Variants in TGFB3 observed in about 807,000 individuals in gnomAD.
The protein encoded by TGFB3 is transforming growth factor beta 3.
In TGFB3, 5 loss-of-function variants were observed where a neutral mutation model predicts 40.1. The observed-to-expected ratio is 0.12, with a 90% CI of 0.07 to 0.26. TGFB3 has a LOEUF of 0.26. Ranked by LOEUF, TGFB3 falls within the 10% of genes least tolerant of loss-of-function variation. The pLI, the probability that TGFB3 is intolerant of heterozygous loss-of-function variation, is 1.00. For missense variants in TGFB3, 373 were observed against 530.1 expected (o/e 0.70, Z 2.91); for synonymous variants, 184 against 205.6 (o/e 0.89, Z 0.90).
intron 4 of TGFB3, among the ~76,000 whole-genome samples, chr14:75,965,199 G>GTAA (rs2140239835): frequency 6.6e-6 from 1 of 152,280 alleles, no homozygotes; most frequent in South Asian, 2.1e-4. Flanking sequence ...ATTTCTTTTA[G>GTAA]GGAGGAGGAA....
At chr14:75,969,061 T>C (rs1038568151) in intron 3 of TGFB3, among the ~76,000 whole-genome samples, 4 of 152,122 alleles carry the variant, frequency 2.6e-5, no homozygotes, top group Admixed American at 2.6e-4. Flanking sequence ...TTTCGATTTT[T>C]CAAAAACAGC....
chr14:75,974,825 G>A (rs902896170), intron 1 of TGFB3, among the ~76,000 whole-genome samples: 14 of 151,566 alleles, frequency 9.2e-5, no homozygotes, highest in Non-Finnish European at 1.3e-4. Flanking sequence ...GGTGGCTCAC[G>A]CCTGTAATCC....
intron 3 of TGFB3, among the ~76,000 whole-genome samples, chr14:75,968,288 T>C (rs2140242494): frequency 6.6e-6 from 1 of 152,320 alleles, no homozygotes; most frequent in Non-Finnish European, 1.5e-5. Context: ...ACTCATGGGC[T>C]CTCTGTAAGT....
At chr14:75,977,693 A>G (rs1324260433) in intron 1 of TGFB3, among the ~76,000 whole-genome samples, 1 of 151,828 alleles carries the variant, frequency 6.6e-6, no homozygotes, top group African/African-American at 2.4e-5. Context: ...CTAAGGAAGA[A>G]CAAATCCAGT....
intron 1 of TGFB3, among the ~76,000 whole-genome samples, chr14:75,976,926 T>G (rs561363232): frequency 5.2e-4 from 79 of 152,304 alleles, no homozygotes; most frequent in African/African-American, 1.8e-3. Context: ...CATAAGGAGC[T>G]TGTCGAAAAT....
chr14:75,959,394 T>A (rs1332645648), intron 6 of TGFB3, 49 bp from the exon 7 acceptor site: 2 of 1,611,118 alleles, frequency 1.2e-6, no homozygotes, highest in African/African-American at 2.7e-5. Context: ...GTCTCAGGCC[T>A]GGAACCCAGG....
chr14:75,970,043 C>A (rs189271706), intron 3 of TGFB3, among the ~76,000 whole-genome samples: 1 of 152,296 alleles, frequency 6.6e-6, no homozygotes, highest in East Asian at 1.9e-4. Context: ...AATCACCTCA[C>A]CCAGCCCCTC....
rs1221859306 is a variant in TGFB3, at chr14:75,963,464, C to T, written c.778G>A (p.Gly260Ser). The T allele has an allele frequency of 7.4e-6, 12 of 1,614,182 alleles. No individual in the cohort carries two copies. The highest frequency in any genetic ancestry group is 1.0e-5 in the Non-Finnish European group (12 of 1,180,036). Residue 260 changes from glycine (G) to serine (S), a missense_variant, in exon 5 of 7, where the codon GGC becomes AGC. Gly to Ser is a moderately conservative substitution (Grantham distance 56). Coordinates refer to ENST00000238682, the MANE Select transcript of TGFB3 (RefSeq NM_003239.5). ...TTGAGGCGCCCCAGATCTCCACGGC[C>T]ATGGTCATCCTCATTGTCCACGCCT... ...FKGVDNEDDH[G>S]RGDLGRLKKQ...
intron 6 of TGFB3, among the ~76,000 whole-genome samples, chr14:75,960,707 A>G (rs1048398050): frequency 6.6e-6 from 1 of 152,226 alleles, no homozygotes; most frequent in Admixed American, 6.5e-5. Context: ...AAGCAAATTA[A>G]AAAGCTGGTT....
intron 3 of TGFB3, 33 bp from the exon 4 acceptor site, chr14:75,965,728 ACC>A: frequency 6.4e-7 from 1 of 1,573,984 alleles, no homozygotes; most frequent in Non-Finnish European, 8.7e-7. Context: ...TGAGAAAAGC[ACC>A]TCTGTGTGAT....
Position 75,958,569 on chromosome 14 carries a change from T to A in TGFB3, c.*618A>T, listed in dbSNP as rs1359768753. On this transcript the variant is annotated 3_prime_UTR_variant, in exon 7 of 7. Coordinates refer to ENST00000238682, the MANE Select transcript of TGFB3 (RefSeq NM_003239.5). The stretch of plus-strand genomic sequence containing the variant: ...TACAGTTGATGGGCCAGGAACTGCA[T>A]GACCTGGATTTTCTCCCTGTAGTGA... The A allele has an allele frequency of 6.1e-6, 1 of 162,900 alleles. No homozygotes were observed. The highest frequency in any genetic ancestry group is 1.4e-5 in the Non-Finnish European group (1 of 73,878). The allele number at this position is 162,900 out of a possible 1,614,324, so 10.1% of individuals were successfully genotyped here.
rs567789168 is a variant in TGFB3, at chr14:75,979,698, C to T, written c.352+844G>A. 1.2e-4 allele frequency among the ~76,000 whole-genome samples: 17 copies of T among 146,494 alleles called. No individual in the cohort carries two copies. The highest frequency in any genetic ancestry group is 4.0e-4 in the African/African-American group (16 of 40,018). ...GGGACGGCAGGCTCCCAGACATATC[C>T]CCCCCCCCCACCATGCACCCACTGC... On this transcript the variant is annotated intron_variant, in intron 1 of 6. Coordinates refer to ENST00000238682, the MANE Select transcript of TGFB3 (RefSeq NM_003239.5). The surrounding 1 kb of genome is among the most constrained non-coding windows in gnomAD (Gnocchi z 4.8).
Position 75,971,610 on chromosome 14 carries a change from A to C in TGFB3, c.461T>G (p.Leu154Trp). 5.0e-6 allele frequency: 8 copies of C among 1,614,252 alleles called. No individual in the cohort carries two copies. Among genetic ancestry groups the C allele is most frequent in the Non-Finnish European group, 5.9e-6 (7 of 1,180,044 alleles). ...TNLFRAEFRV[L>W]RVPNPSSKRN... ...CTTAGAGCTGGGGTTGGGCACCCGC[A>C]AGACCCGGAATTCTGCTCGGAATAG... is the stretch of plus-strand genomic sequence containing the variant. The change falls in exon 2 of 7, where the codon TTG (leucine) becomes TGG (tryptophan). Residue 154 changes from leucine to tryptophan, a missense_variant. Leu to Trp is a moderately conservative substitution (Grantham distance 61). Coordinates refer to ENST00000238682, the MANE Select transcript of TGFB3 (RefSeq NM_003239.5). This position sits in a 1 kb window ranked among gnomAD's most constrained non-coding sequence, Gnocchi z 4.5.
Position 75,965,331 on chromosome 14 carries a change from T to C in TGFB3, c.754+257A>G, listed in dbSNP as rs3917192. On this transcript the variant is annotated intron_variant, in intron 4 of 6. Transcript: ENST00000238682. ...CATTTCACTAGGACCAGAGGCTAGA[T>C]GGCTTGCCTACACAGTTTCACCACT... Among the ~76,000 whole-genome samples, 125,433 of 152,240 alleles carry C rather than the reference T, an allele frequency of 0.82. 51,881 individuals are homozygous for C. Among genetic ancestry groups the C allele is most frequent in the South Asian group, 0.84 (4,076 of 4,832 alleles).
rs2035393060 is a variant in TGFB3, at chr14:75,979,300, A to G, written c.352+1242T>C. ...CCACTCCTGTTCCTTCTCTCCAGCC[A>G]GGTTCCTTTCACCCCTTGCTGTGTG... On this transcript the variant is annotated intron_variant, in intron 1 of 6. Transcript: ENST00000238682. The surrounding 1 kb of genome is among the most constrained non-coding windows in gnomAD (Gnocchi z 4.8). Among the ~76,000 whole-genome samples, 1 of 152,068 alleles carries G rather than the reference A, an allele frequency of 6.6e-6. No homozygotes were observed. The highest frequency in any genetic ancestry group is 1.9e-4 in the East Asian group (1 of 5,166).
At chr14:75,972,772 G>A (rs2035308971) in intron 1 of TGFB3, among the ~76,000 whole-genome samples, 1 of 152,172 alleles carries the variant, frequency 6.6e-6, no homozygotes, top group South Asian at 2.1e-4. Context: ...ATTAACAGTA[G>A]GGAGTCACTG....
chr14:75,966,809 A>G (rs1459070868), intron 3 of TGFB3: 2 of 152,252 alleles, frequency 1.3e-5, no homozygotes, highest in Non-Finnish European at 2.9e-5. Context: ...AAAAGTCTGC[A>G]CTGAGACAAG....
In TGFB3 at chr14:75,960,300, G is replaced by A. The variant is rs145013865; in HGVS notation, c.1080+623C>T. The A allele has an allele frequency of 1.8e-3, 274 of 155,198 alleles. 1 individual carries two copies. The highest frequency in any genetic ancestry group is 3.4e-3 in the South Asian group (17 of 4,954). 9.6% of individuals were successfully genotyped at this position (155,198 alleles called of 1,614,324 possible). A position where few individuals can be genotyped will look rare whatever the true frequency, so the allele number is the denominator to read the frequency against. On this transcript the variant is annotated intron_variant, in intron 6 of 6. Transcript: ENST00000238682. ...CTTCCTAGCTGGAACTGATCACTTC[G>A]GTGAGAAATGTTCTCACAAAACATT...
At position 75,971,753 on chromosome 14, in the gene TGFB3, A is replaced by G; in HGVS notation, c.353-35T>C. The G allele has an allele frequency of 6.2e-7, 1 of 1,612,402 alleles. No homozygotes were observed. The highest frequency in any genetic ancestry group is 1.7e-5 in the Admixed American group (1 of 59,962). ...AAAGCAGAGCAGAGGGCACAGCATGAGCGAGACATGCAGGAACAGTGTGCT... is the reference window on the plus strand; with the variant it reads ...AAAGCAGAGCAGAGGGCACAGCATGGGCGAGACATGCAGGAACAGTGTGCT... On this transcript the variant is annotated intron_variant, in intron 1 of 6. Coordinates refer to ENST00000238682, the MANE Select transcript of TGFB3 (RefSeq NM_003239.5). The surrounding 1 kb of genome is among the most constrained non-coding windows in gnomAD (Gnocchi z 4.5).
Sources: gnomAD v4.1 joint callset for allele counts (sites outside exome capture counted in the v4.1 genomes callset) on GRCh38, gnomAD v4.1.1 for gene constraint, Gnocchi (gnomAD v3.1) non-coding constraint, MANE v1.5 for transcripts, NCBI Gene and HGNC (gene_info 2026-07-23, HGNC 2026-07-21) for gene names.